FAM193B: variants seen among roughly 807,000 people sequenced by gnomAD.
The protein encoded by FAM193B is family with sequence similarity 193 member B, also known as protein FAM193B.
Under a neutral mutation model 70.7 loss-of-function variants are expected in FAM193B, and 27 were observed. The ratio of observed to expected loss-of-function variants is 0.38; its 90% confidence interval spans 0.28 to 0.53. FAM193B has a LOEUF of 0.53. Among genes scored for constraint, FAM193B ranks in the 20% least tolerant of loss-of-function variants. The probability of loss-of-function intolerance (pLI) is 0.81; values close to 1 mark genes in which losing one functional copy is unlikely to be tolerated. For missense variants in FAM193B, 1,022 were observed against 1,072.5 expected (o/e 0.95, Z 0.66); for synonymous variants, 448 against 436.0 (o/e 1.03, Z -0.34).
Position 177,524,611 on chromosome 5 carries a change from G to A in FAM193B, c.1870C>T (p.Leu624=). Residue 624 remains leucine, a synonymous_variant, in exon 6 of 9, where the codon CTG becomes TTG. Transcript: ENST00000514747. ...SKEVPSCKQE[L]PEPVSSGGKP... ...CCACCTGAGGACACAGGCTCAGGCA[G>A]CTCCTGCTTGCAACTGGGAACTTCC... is the stretch of plus-strand genomic sequence containing the variant. 2 of 1,612,236 alleles carry A rather than the reference G, an allele frequency of 1.2e-6. No individual in the cohort carries two copies. Among genetic ancestry groups the A allele is most frequent in the Non-Finnish European group, 1.7e-6 (2 of 1,179,320 alleles).
In FAM193B at chr5:177,554,306, C is replaced by T. The variant is rs1766757933; in HGVS notation, c.153G>A (p.Glu51=). The T allele has an allele frequency of 7.4e-7, 1 of 1,356,144 alleles. No homozygotes were observed. Among genetic ancestry groups the T allele is most frequent in the South Asian group, 1.7e-5 (1 of 60,326 alleles). 84.0% of individuals were successfully genotyped at this position (1,356,144 alleles called of 1,614,324 possible). ...AGAGPPEAPA[E]PDHDGPREDD... ...CCTCCCTGGGGCCGTCGTGGTCGGG[C>T]TCCGCCGGCGCCTCCGGAGGGCCTG... The change falls in exon 1 of 9, where the codon GAG becomes GAA. Residue 51 remains glutamate, a synonymous_variant. Transcript: ENST00000514747.
chr5:177,553,974 C>T (rs1468197046), intron 1 of FAM193B: 2 of 1,264,596 alleles, frequency 1.6e-6, no homozygotes, highest in Non-Finnish European at 2.0e-6. Context: ...CAGTCCCAGT[C>T]CCAGTGTGGG....
At chr5:177,547,796 C>G (rs1765642801) in intron 1 of FAM193B, among the ~76,000 whole-genome samples, 1 of 152,162 alleles carries the variant, frequency 6.6e-6, no homozygotes, top group African/African-American at 2.4e-5. Context: ...GCTAAGCATC[C>G]TAAGCATGGA....
At chr5:177,540,866 C>T (rs1561778503) in intron 1 of FAM193B, among the ~76,000 whole-genome samples, 2 of 152,174 alleles carry the variant, frequency 1.3e-5, no homozygotes, top group African/African-American at 2.4e-5. Flanking sequence ...GGGTATCACC[C>T]TCATCCTACC....
Position 177,534,624 on chromosome 5 carries a change from A to T in FAM193B, c.1076+1734T>A, listed in dbSNP as rs1300282657. 8.5e-5 allele frequency among the ~76,000 whole-genome samples: 13 copies of T among 152,060 alleles called. No individual in the cohort carries two copies. In the South Asian group the frequency reaches 2.5e-3, roughly 29 times the overall value. On this transcript the variant is annotated intron_variant, in intron 4 of 8. Transcript: ENST00000514747. ...GCCAGCAAAATTGATTTTATTTTCT[A>T]TTTTGAGACTGGCTCTCACTTTGTT...
In FAM193B at chr5:177,538,794, T is replaced by A; in HGVS notation, c.453+111A>T. 1 of 1,424,204 alleles carries A rather than the reference T, an allele frequency of 7.0e-7. No homozygotes were observed. Among genetic ancestry groups the A allele is most frequent in the Non-Finnish European group, 9.6e-7 (1 of 1,040,726 alleles). The allele number at this position is 1,424,204 out of a possible 1,614,324, so 88.2% of individuals were successfully genotyped here. ...CCAGTGCAGCCCAGAAGTCTCTCAGTGCCTGGGCATGGGAGCTGCCCAAGG... is the reference window on the plus strand; with the variant it reads ...CCAGTGCAGCCCAGAAGTCTCTCAGAGCCTGGGCATGGGAGCTGCCCAAGG... On this transcript the variant is annotated intron_variant, in intron 2 of 8. Transcript: ENST00000514747. The surrounding 1 kb of genome is among the most constrained non-coding windows in gnomAD (Gnocchi z 4.1).
chr5:177,522,270 A>G (rs1467651224), intron 7 of FAM193B, 199 bp from the exon 8 acceptor site: 2 of 533,158 alleles, frequency 3.8e-6, no homozygotes, highest in Non-Finnish European at 6.8e-6. Context: ...GGAACTATGT[A>G]TGAAGACAGT....
At chr5:177,530,838 C>T (rs1196511739) in intron 5 of FAM193B, among the ~76,000 whole-genome samples, 2 of 152,184 alleles carry the variant, frequency 1.3e-5, no homozygotes, top group Non-Finnish European at 2.9e-5. Context: ...TACTCACAGT[C>T]AGCCTCTTGT....
intron 1 of FAM193B, chr5:177,553,914 A>G: frequency 8.2e-7 from 1 of 1,216,572 alleles, no homozygotes; most frequent in Non-Finnish European, 1.0e-6. Context: ...GGCCCGGGGG[A>G]GGTGGCGGGC....
intron 5 of FAM193B, among the ~76,000 whole-genome samples, chr5:177,527,100 G>A (rs1762726436): frequency 6.6e-6 from 1 of 151,186 alleles, no homozygotes; most frequent in South Asian, 2.1e-4. Flanking sequence ...GCACAGAATG[G>A]GGAGTGGAAT....
chr5:177,540,120 C>G (rs1454560441), intron 1 of FAM193B, among the ~76,000 whole-genome samples: 1 of 151,954 alleles, frequency 6.6e-6, no homozygotes, highest in African/African-American at 2.4e-5. Flanking sequence ...TCCTGGCTAA[C>G]ACAGTGAAAC....
chr5:177,523,843 G>C, intron 7 of FAM193B, 114 bp downstream of exon 7: 2 of 1,206,134 alleles, frequency 1.7e-6, no homozygotes, highest in South Asian at 1.3e-5. Flanking sequence ...GCCTCCCCAA[G>C]GGGTCAGGGC....
intron 5 of FAM193B, among the ~76,000 whole-genome samples, chr5:177,530,414 G>T (rs1386731754): frequency 2.0e-5 from 3 of 152,160 alleles, no homozygotes; most frequent in Non-Finnish European, 4.4e-5. Context: ...ACACCTGGGA[G>T]ACATCCCTGC....
intron 1 of FAM193B, among the ~76,000 whole-genome samples, chr5:177,548,054 C>A (rs560775800): frequency 6.0e-4 from 92 of 152,344 alleles, no homozygotes; most frequent in African/African-American, 2.2e-3. Context: ...GGACCAAATA[C>A]ATAAAGTAGT....
In FAM193B at chr5:177,554,489, A is replaced by ACGCCGCGGCGC; in HGVS notation, c.-32_-31insGCGCCGCGGCG. 3 of 604,978 alleles carry ACGCCGCGGCGC rather than the reference A, an allele frequency of 5.0e-6. No homozygotes were observed. Among genetic ancestry groups the ACGCCGCGGCGC allele is most frequent in the Non-Finnish European group, 6.0e-6 (3 of 497,636 alleles). 37.5% of individuals were successfully genotyped at this position (604,978 alleles called of 1,614,324 possible). A position where few individuals can be genotyped will look rare whatever the true frequency, so the allele number is the denominator to read the frequency against. On this transcript the variant is annotated 5_prime_UTR_variant, in exon 1 of 9. Transcript: ENST00000514747. ...CGCTCGCGCCGCTCCCTCGCTCCAC[A>ACGCCGCGGCGC]CGCCGCCGCCGCCGCCGCCGCCGCC...
At chr5:177,546,724 A>G (rs1195382370) in intron 1 of FAM193B, among the ~76,000 whole-genome samples, 2 of 152,226 alleles carry the variant, frequency 1.3e-5, no homozygotes, top group Non-Finnish European at 2.9e-5. Flanking sequence ...GAGGTAGAAC[A>G]GCTGTTTCAC....
At chr5:177,531,054 G>A (rs1763366369) in intron 5 of FAM193B, among the ~76,000 whole-genome samples, 1 of 152,224 alleles carries the variant, frequency 6.6e-6, no homozygotes, top group African/African-American at 2.4e-5. Flanking sequence ...TCAGCTTGGA[G>A]GAATCCAGCA....
In FAM193B at chr5:177,531,408, G is replaced by A. The variant is rs1204635017; in HGVS notation, c.1275+1035C>T. On this transcript the variant is annotated intron_variant, in intron 5 of 8. Transcript: ENST00000514747. ...GGTGGTCCACGGCGGGCTCCCCAGG[G>A]ATCCCGCCCAGGGTGCCCCCCTTCA... 4.4e-6 allele frequency: 6 copies of A among 1,360,760 alleles called. No homozygotes were observed. The South Asian group carries it at 6.9e-5, about 16-fold the overall frequency. 84.3% of individuals were successfully genotyped at this position (1,360,760 alleles called of 1,614,324 possible). A position where few individuals can be genotyped will look rare whatever the true frequency, so the allele number is the denominator to read the frequency against.
intron 5 of FAM193B, among the ~76,000 whole-genome samples, chr5:177,525,714 T>C (rs1231723230): frequency 6.6e-6 from 1 of 152,278 alleles, no homozygotes; most frequent in Non-Finnish European, 1.5e-5. Context: ...GGCCACTTGC[T>C]GCACATTTGG....
Sources: gnomAD v4.1 joint callset for allele counts (sites outside exome capture counted in the v4.1 genomes callset) on GRCh38, gnomAD v4.1.1 for gene constraint, Gnocchi (gnomAD v3.1) non-coding constraint, MANE v1.5 for transcripts, NCBI Gene and HGNC (gene_info 2026-07-23, HGNC 2026-07-21) for gene names.